The following NR3C2 variants were observed in gnomAD, a reference collection of about 807,000 sequenced individuals.
NR3C2 encodes the protein nuclear receptor subfamily 3 group C member 2.
A neutral mutation model predicts 86.4 loss-of-function variants in NR3C2; 15 were observed. That is an observed-to-expected ratio of 0.17 (90% CI 0.12 to 0.27). The LOEUF is 0.27. NR3C2 is among the 10% of genes least tolerant of loss of function. The pLI, the probability that NR3C2 is intolerant of heterozygous loss-of-function variation, is 1.00. For missense variants in NR3C2, 960 were observed against 1,195.6 expected (o/e 0.80, Z 2.91); for synonymous variants, 458 against 450.5 (o/e 1.02, Z -0.21).
chr4:148,152,943 G>A (rs1163461334), intron 5 of NR3C2, among the ~76,000 whole-genome samples: 1 of 152,100 alleles, frequency 6.6e-6, no homozygotes, highest in African/African-American at 2.4e-5. Context: ...AACTTGCTTC[G>A]TCCCACCCAC....
At chr4:148,145,364 G>A (rs1177857473) in intron 6 of NR3C2, among the ~76,000 whole-genome samples, 1 of 152,146 alleles carries the variant, frequency 6.6e-6, no homozygotes, top group Non-Finnish European at 1.5e-5. Flanking sequence ...AGGGGAGAAG[G>A]GACGCAATCT....
chr4:148,190,645 A>T (rs1736152040), intron 4 of NR3C2, among the ~76,000 whole-genome samples: 1 of 152,164 alleles, frequency 6.6e-6, no homozygotes, highest in South Asian at 2.1e-4. Flanking sequence ...GACGTCTCCC[A>T]CTATTATTGT....
chr4:148,298,882 C>T (rs368210137), intron 2 of NR3C2, among the ~76,000 whole-genome samples: 32 of 152,294 alleles, frequency 2.1e-4, no homozygotes, highest in African/African-American at 7.5e-4. Context: ...TTGATAGATG[C>T]AGGAGGAAGA....
At chr4:148,223,475 A>G (rs1049822176) in intron 3 of NR3C2, among the ~76,000 whole-genome samples, 1 of 152,226 alleles carries the variant, frequency 6.6e-6, no homozygotes, top group Non-Finnish European at 1.5e-5. Context: ...CAGACTGTCA[A>G]TAAATATCTG....
chr4:148,378,613 T>C (rs980555158), intron 2 of NR3C2, among the ~76,000 whole-genome samples: 3 of 152,156 alleles, frequency 2.0e-5, no homozygotes, highest in Admixed American at 2.0e-4. Flanking sequence ...CTCCCCTGTC[T>C]CTTTCTTCCT....
chr4:148,080,777 T>C lies in NR3C2; in HGVS notation c.*567A>G, dbSNP rs1311348560. 2.4e-6 allele frequency: 1 copy of C among 420,302 alleles called. No individual in the cohort carries two copies. The highest frequency in any genetic ancestry group is 4.9e-6 in the Non-Finnish European group (1 of 204,530). The allele number at this position is 420,302 out of a possible 1,614,324, so 26.0% of individuals were successfully genotyped here. ...CGCTAACGAGTGTGTATACCAGTGA[T>C]GCAGAAGACCGTGGACGAGCGAGGG... On this transcript the variant is annotated 3_prime_UTR_variant, in exon 9 of 9. Coordinates refer to ENST00000358102, the MANE Select transcript of NR3C2 (RefSeq NM_000901.5).
intron 2 of NR3C2, among the ~76,000 whole-genome samples, chr4:148,384,971 G>A (rs922924009): frequency 6.6e-6 from 1 of 152,176 alleles, no homozygotes; most frequent in African/African-American, 2.4e-5. Context: ...TTTCCTAAGA[G>A]TAGAAAGTAT....
chr4:148,424,576 A>T (rs894031776), intron 2 of NR3C2, among the ~76,000 whole-genome samples: 2 of 152,250 alleles, frequency 1.3e-5, no homozygotes. Flanking sequence ...AATGTGATAT[A>T]GCCATAAATG....
At position 148,185,522 on chromosome 4, in the gene NR3C2, T is replaced by A. The variant is rs981014753; in HGVS notation, c.2014+9224A>T. On this transcript the variant is annotated intron_variant, in intron 4 of 8. Transcript: ENST00000358102. ...TTAGTTTTTTGAACTACTTTTTTTT[T>A]AATAGGCAATATGGGTACACAACAC... 6.6e-5 allele frequency among the ~76,000 whole-genome samples: 10 copies of A among 152,308 alleles called. No individual in the cohort carries two copies. The East Asian group carries it at 9.6e-4, about 15-fold the overall frequency.
chr4:148,444,683 C>CG, upstream of NR3C2: 10 of 985,446 alleles, frequency 1.0e-5, no homozygotes, highest in Non-Finnish European at 1.2e-5. Context: ...GCCCTGCTGA[C>CG]GGTGGGTAGA....
At chr4:148,227,047 A>G (rs546626441) in intron 3 of NR3C2, among the ~76,000 whole-genome samples, 1 of 152,290 alleles carries the variant, frequency 6.6e-6, no homozygotes, top group African/African-American at 2.4e-5. Context: ...AAATATCTTA[A>G]TCACAGCATA....
chr4:148,156,081 C>T (rs1306097995), intron 4 of NR3C2, among the ~76,000 whole-genome samples: 1 of 152,194 alleles, frequency 6.6e-6, no homozygotes, highest in East Asian at 1.9e-4. Context: ...GAAACTGGAT[C>T]CCTTCCTTAC....
At chr4:148,295,481 C>G (rs1213276356) in intron 2 of NR3C2, among the ~76,000 whole-genome samples, 1 of 150,186 alleles carries the variant, frequency 6.7e-6, no homozygotes, top group Non-Finnish European at 1.5e-5. Flanking sequence ...ACAGATATTT[C>G]TGATATAACT....
In NR3C2 at chr4:148,154,718, G is replaced by A. The variant is rs1189474389; in HGVS notation, c.2198C>T (p.Ala733Val). The A allele has an allele frequency of 6.8e-6, 11 of 1,613,316 alleles. No homozygotes were observed. The highest frequency in any genetic ancestry group is 1.7e-5 in the Admixed American group (1 of 59,872). ...LVPQLSTISR[A>V]LTPSPVMVLE... ...GACCATAACGGGGGAAGGTGTGAGC[G>A]CTCGTGAGATTGTGGAGAGCTGAGG... Residue 733 changes from alanine (A) to valine (V), a missense_variant, in exon 5 of 9, where the codon GCG becomes GTG. Ala to Val is a moderately conservative substitution (Grantham distance 64). Transcript: ENST00000358102.
At chr4:148,408,891 T>A (rs57314394) in intron 2 of NR3C2, among the ~76,000 whole-genome samples, 1,817 of 152,276 alleles carry the variant, frequency 0.012, 28 homozygotes, top group African/African-American at 0.042. Flanking sequence ...CTCAGTATTA[T>A]AAGAAACAGC....
chr4:148,334,815 G>A (rs1419525995), intron 2 of NR3C2, among the ~76,000 whole-genome samples: 1 of 152,156 alleles, frequency 6.6e-6, no homozygotes, highest in African/African-American at 2.4e-5. Flanking sequence ...CTAGAAGTCC[G>A]AGTTCGAGAT....
At chr4:148,136,632 G>A (rs1340683943) in intron 6 of NR3C2, among the ~76,000 whole-genome samples, 1 of 152,086 alleles carries the variant, frequency 6.6e-6, no homozygotes, top group Non-Finnish European at 1.5e-5. Context: ...CTTGACCACT[G>A]TAGTCCAGAA....
intron 3 of NR3C2, among the ~76,000 whole-genome samples, chr4:148,202,461 G>T (rs2149809476): frequency 6.6e-6 from 1 of 152,306 alleles, no homozygotes; most frequent in African/African-American, 2.4e-5. Flanking sequence ...TCTTGGGGAG[G>T]CCTGTCCTGA....
intron 2 of NR3C2, among the ~76,000 whole-genome samples, chr4:148,298,767 A>G (rs76008907): frequency 0.023 from 3,561 of 152,374 alleles, 53 homozygotes; most frequent in African/African-American, 0.04. Context: ...CAGAGAAATT[A>G]CAAATGCTAT....
Sources: allele counts gnomAD v4.1 joint callset (sites outside exome capture counted in the v4.1 genomes callset), GRCh38; gene constraint gnomAD v4.1.1; transcripts MANE v1.5; gene names NCBI Gene and HGNC (gene_info 2026-07-23, HGNC 2026-07-21).